RPGRIP1L: variants seen among roughly 807,000 people sequenced by gnomAD.
RPGRIP1L encodes protein fantom.
RPGRIP1L carries 131 observed loss-of-function variants against 160.4 expected under a neutral mutation model. The observed-to-expected ratio is 0.82, with a 90% CI of 0.71 to 0.94. The LOEUF is 0.94. Among genes scored for constraint, RPGRIP1L ranks in the 40% least tolerant of loss-of-function variants. The probability of loss-of-function intolerance (pLI) is 0.00; values close to 1 mark genes in which losing one functional copy is unlikely to be tolerated. For synonymous variants in RPGRIP1L, 510 were observed against 515.8 expected, an observed-to-expected ratio of 0.99 and a Z score of 0.15; for missense variants, 1,522 against 1,535.8, an observed-to-expected ratio of 0.99 and a Z score of 0.15.
intron 13 of RPGRIP1L, among the ~76,000 whole-genome samples, chr16:53,657,185 AGCCACGATTGC>A (rs1262987905): frequency 6.6e-6 from 1 of 152,100 alleles, no homozygotes; most frequent in African/African-American, 2.4e-5. Context: ...GGTTGCAGTG[AGCCACGATTGC>A]GCCACTGGAT....
In RPGRIP1L at chr16:53,671,543, A is replaced by G. The variant is rs1324030666; in HGVS notation, c.1070T>C (p.Leu357Pro). Residue 357 changes from leucine to proline, a missense_variant, in exon 9 of 27, where the codon CTT (leucine) becomes CCT (proline). Leu to Pro is a moderately conservative substitution (Grantham distance 98, BLOSUM62 -3). Coordinates refer to ENST00000647211, the MANE Select transcript of RPGRIP1L (RefSeq NM_015272.5). ...RINDLEKERE[L>P]LKENYDKLYD... ...AAGTTTATCATAGTTTTCCTTTAAA[A>G]GTTCCCGTTCCTTTTCTAAATCATT... is the stretch of plus-strand genomic sequence containing the variant. The G allele has an allele frequency of 6.3e-7, 1 of 1,578,830 alleles. No homozygotes were observed. The highest frequency in any genetic ancestry group is 1.7e-5 in the Admixed American group (1 of 59,824).
intron 20 of RPGRIP1L, 108 bp from the exon 21 acceptor site, chr16:53,637,962 T>C: frequency 1.9e-6 from 2 of 1,059,636 alleles, no homozygotes; most frequent in Non-Finnish European, 2.9e-6. Flanking sequence ...GAGACTTAAA[T>C]ATACAGATAT....
At chr16:53,696,036 T>A (rs1041715970) in intron 3 of RPGRIP1L, 115 bp downstream of exon 3, 1 of 1,022,326 alleles carries the variant, frequency 9.8e-7, no homozygotes. Flanking sequence ...CTTATTTACA[T>A]CCTGCCTTGT....
At chr16:53,685,885 A>C (rs1969972671) in intron 6 of RPGRIP1L, among the ~76,000 whole-genome samples, 1 of 152,166 alleles carries the variant, frequency 6.6e-6, no homozygotes, top group African/African-American at 2.4e-5. Flanking sequence ...AATTATAACA[A>C]AAAAAGTTTT....
chr16:53,674,556 A>C (rs1180044681), intron 7 of RPGRIP1L, among the ~76,000 whole-genome samples: 2 of 152,178 alleles, frequency 1.3e-5, no homozygotes, highest in African/African-American at 2.4e-5. Flanking sequence ...AGTGACCAAA[A>C]AAGAAAAAAA....
intron 10 of RPGRIP1L, among the ~76,000 whole-genome samples, chr16:53,660,074 C>T (rs1967644192): frequency 1.3e-5 from 2 of 152,180 alleles, no homozygotes; most frequent in Non-Finnish European, 2.9e-5. Context: ...ACTAATTTTT[C>T]ACTCCCTGCA....
intron 17 of RPGRIP1L, among the ~76,000 whole-genome samples, chr16:53,643,701 G>A (rs1966381665): frequency 6.6e-6 from 1 of 152,168 alleles, no homozygotes; most frequent in African/African-American, 2.4e-5. Context: ...GCTATACACA[G>A]CAGAGGAAAT....
intron 26 of RPGRIP1L, chr16:53,605,249 A>T: frequency 1.7e-6 from 1 of 603,400 alleles, no homozygotes; most frequent in Non-Finnish European, 2.9e-6. Flanking sequence ...TTCCTTGTGA[A>T]GCTAAATTAA....
At chr16:53,648,888 G>T in intron 16 of RPGRIP1L, 76 bp downstream of exon 16, 1 of 1,359,506 alleles carries the variant, frequency 7.4e-7, no homozygotes, top group Non-Finnish European at 1.0e-6. Context: ...AATGATTTTA[G>T]TTTAAAGCAC....
intron 24 of RPGRIP1L, among the ~76,000 whole-genome samples, chr16:53,617,568 TTTC>T (rs1371084464): frequency 1.3e-5 from 2 of 152,220 alleles, no homozygotes; most frequent in South Asian, 2.1e-4. Context: ...TCACATGTGA[TTTC>T]TTAACACACC....
intron 2 of RPGRIP1L, among the ~76,000 whole-genome samples, chr16:53,697,001 C>G (rs1194748057): frequency 6.6e-6 from 1 of 152,106 alleles, no homozygotes; most frequent in Non-Finnish European, 1.5e-5. Flanking sequence ...CAAGACCAGC[C>G]TGGCCAACAT....
chr16:53,700,127 A>G (rs894189584), intron 2 of RPGRIP1L, among the ~76,000 whole-genome samples: 38 of 152,232 alleles, frequency 2.5e-4, no homozygotes, highest in African/African-American at 8.9e-4. Flanking sequence ...TTCTTTCTCA[A>G]TTTGAAAGTG....
rs550916197 is a variant in RPGRIP1L at position 53,612,129 on chromosome 16, A to AGGCGGGAGAGACATAAAGGT, written c.3617-1098_3617-1079dup. Among the ~76,000 whole-genome samples the AGGCGGGAGAGACATAAAGGT allele has an allele frequency of 1.8e-3, 275 of 152,268 alleles. 1 individual carries two copies. Among genetic ancestry groups the AGGCGGGAGAGACATAAAGGT allele is most frequent in the Non-Finnish European group, 3.5e-3 (240 of 67,992 alleles). On this transcript the variant is annotated intron_variant, in intron 24 of 26. Transcript: ENST00000647211. ...GGGCCAAAGGCACTGAGTAGGCACA[A>AGGCGGGAGAGACATAAAGGT]GGCGGGAGAGACATAAAGGTGGCGG...
At chr16:53,702,755 T>C (rs1040251262) in intron 1 of RPGRIP1L, among the ~76,000 whole-genome samples, 1 of 151,592 alleles carries the variant, frequency 6.6e-6, no homozygotes, top group Admixed American at 6.6e-5. Context: ...TGGGTTCAAG[T>C]GATCCTCCCA....
At chr16:53,638,549 T>C in intron 19 of RPGRIP1L, 138 bp from the exon 20 acceptor site, 1 of 504,088 alleles carries the variant, frequency 2.0e-6, no homozygotes, top group Middle Eastern at 4.9e-4. Context: ...TGAATTTACT[T>C]AGTATATTTC....
In RPGRIP1L at chr16:53,632,128, G is replaced by T. The variant is rs1349136411; in HGVS notation, c.3294+4311C>A. Reference sequence around the variant, plus strand: ...GAACCAAGTAATACGTAGAAGTACTGGGAAATCTGTTAGATTCCTTTTAAG... The same window carrying T: ...GAACCAAGTAATACGTAGAAGTACTTGGAAATCTGTTAGATTCCTTTTAAG... On this transcript the variant is annotated intron_variant, in intron 22 of 26. Transcript: ENST00000647211. 5.9e-5 allele frequency among the ~76,000 whole-genome samples: 9 copies of T among 152,256 alleles called. No individual in the cohort carries two copies. The East Asian group carries it at 1.5e-3, about 26-fold the overall frequency.
At chr16:53,640,636 G>A (rs1402495203) in intron 19 of RPGRIP1L, among the ~76,000 whole-genome samples, 1 of 152,176 alleles carries the variant, frequency 6.6e-6, no homozygotes, top group Non-Finnish European at 1.5e-5. Context: ...GACAGGCACT[G>A]AGAATTGACT....
chr16:53,683,706 GA>G (rs199628104), intron 6 of RPGRIP1L, among the ~76,000 whole-genome samples: 7,478 of 144,094 alleles, frequency 0.052, 385 homozygotes, highest in East Asian at 0.31. Context: ...AAAAAAAAAA[GA>G]AAAAAATCCA....
intron 1 of RPGRIP1L, among the ~76,000 whole-genome samples, chr16:53,702,757 A>C (rs1971550610): frequency 6.7e-6 from 1 of 149,494 alleles, no homozygotes; most frequent in South Asian, 2.1e-4. Context: ...GGTTCAAGTG[A>C]TCCTCCCACC....
Sources: allele counts gnomAD v4.1 joint callset (sites outside exome capture counted in the v4.1 genomes callset), GRCh38; gene constraint gnomAD v4.1.1; transcripts MANE v1.5; gene names NCBI Gene and HGNC (gene_info 2026-07-23, HGNC 2026-07-21).